Variants in DTWD2 observed in about 807,000 individuals in gnomAD.
DTWD2 encodes the protein tRNA-uridine aminocarboxypropyltransferase 2.
DTWD2 carries 39 observed loss-of-function variants against 31.8 expected under a neutral mutation model. The ratio of observed to expected loss-of-function variants is 1.22; its 90% CI spans 0.95 to 1.60. DTWD2 has a LOEUF of 1.60. DTWD2 is among the 40% of genes most tolerant of loss of function. The pLI is 0.00. For synonymous variants in DTWD2, 180 were observed against 142.8 expected (o/e 1.26, Z -1.86); for missense variants, 515 against 381.5 (o/e 1.35, Z -2.92).
chr5:118,838,444 A>T lies in DTWD2; in HGVS notation c.*2473T>A, dbSNP rs1751626096. The T allele has an allele frequency of 1.3e-5, 2 of 152,206 alleles. No homozygotes were observed. The highest frequency in any genetic ancestry group is 2.4e-5 in the African/African-American group (1 of 41,444). The allele number at this position is 152,206 out of a possible 1,614,324, so 9.4% of individuals were successfully genotyped here. ...GAATTTAAAAGCCAACTAATACAAT[A>T]AAAAAGTAATTTTTAAAAGCCTGAT... On this transcript the variant is annotated 3_prime_UTR_variant, in exon 6 of 6. Coordinates refer to ENST00000510708, the MANE Select transcript of DTWD2 (RefSeq NM_173666.4).
intron 3 of DTWD2, among the ~76,000 whole-genome samples, chr5:118,930,196 C>T (rs1170851808): frequency 6.6e-6 from 1 of 152,112 alleles, no homozygotes; most frequent in Non-Finnish European, 1.5e-5. Flanking sequence ...AGGAACGTTC[C>T]CCTTGGCCCC....
chr5:118,982,396 G>T (rs1021967248), intron 1 of DTWD2, among the ~76,000 whole-genome samples: 3 of 151,966 alleles, frequency 2.0e-5, no homozygotes, highest in Non-Finnish European at 4.4e-5. Flanking sequence ...CTTAATTAAG[G>T]TTATGAAAAA....
At chr5:118,849,436 AAC>A (rs1207442182) in intron 4 of DTWD2, among the ~76,000 whole-genome samples, 1 of 152,208 alleles carries the variant, frequency 6.6e-6, no homozygotes, top group Non-Finnish European at 1.5e-5. Flanking sequence ...TGGGACTGTA[AAC>A]TAGTTCAATC....
rs1440873415 is a variant in DTWD2 at position 118,839,413 on chromosome 5, G to A, written c.*1504C>T. ...TCTGTAGCCCAGGCTGGAGTGCAGT[G>A]GAATGAACATAGCTCCTTGCAACCT... On this transcript the variant is annotated 3_prime_UTR_variant, in exon 6 of 6. Transcript: ENST00000510708. The A allele has an allele frequency of 2.6e-5, 4 of 152,084 alleles. No individual in the cohort carries two copies. The highest frequency in any genetic ancestry group is 2.1e-4 in the South Asian group (1 of 4,820). 9.4% of individuals were successfully genotyped at this position (152,084 alleles called of 1,614,324 possible). A position where few individuals can be genotyped will look rare whatever the true frequency, so the allele number is the denominator to read the frequency against.
chr5:118,962,157 G>C (rs1327938085), intron 1 of DTWD2, among the ~76,000 whole-genome samples: 1 of 152,086 alleles, frequency 6.6e-6, no homozygotes, highest in Non-Finnish European at 1.5e-5. Context: ...AGAATTGCTT[G>C]AACCTGGGAG....
At chr5:118,863,377 C>T (rs901056143) in intron 4 of DTWD2, among the ~76,000 whole-genome samples, 3 of 152,136 alleles carry the variant, frequency 2.0e-5, no homozygotes, top group Non-Finnish European at 4.4e-5. Flanking sequence ...AATTACATGT[C>T]ATCATGCACC....
At chr5:118,897,508 G>C (rs181717221) in intron 4 of DTWD2, among the ~76,000 whole-genome samples, 1 of 152,184 alleles carries the variant, frequency 6.6e-6, no homozygotes, top group Non-Finnish European at 1.5e-5. Flanking sequence ...GAAAAGCTTT[G>C]TATCAGTGCA....
chr5:118,894,010 C>T (rs1250473919), intron 4 of DTWD2, among the ~76,000 whole-genome samples: 1 of 149,806 alleles, frequency 6.7e-6, no homozygotes, highest in Non-Finnish European at 1.5e-5. Context: ...ACCAGGCACC[C>T]AGCCTGGGTG....
At position 118,856,764 on chromosome 5, in the gene DTWD2, C is replaced by CTTTTTTTTT. The variant is rs68175368; in HGVS notation, c.598-8555_598-8547dup. ...TTTACCTTCACTCCATTGAGGCTTA[C>CTTTTTTTTT]TTTTTTTTTTTTTTTTTTTTTTTTG... On this transcript the variant is annotated intron_variant, in intron 4 of 5. Coordinates refer to ENST00000510708, the MANE Select transcript of DTWD2 (RefSeq NM_173666.4). Among the ~76,000 whole-genome samples, 141 of 44,336 alleles carry CTTTTTTTTT rather than the reference C, an allele frequency of 3.2e-3. 7 individuals are homozygous for CTTTTTTTTT. Among genetic ancestry groups the CTTTTTTTTT allele is most frequent in the Non-Finnish European group, 3.7e-3 (92 of 24,970 alleles). 29.1% of individuals were successfully genotyped at this position (44,336 alleles called of 152,430 possible).
intron 1 of DTWD2, among the ~76,000 whole-genome samples, chr5:118,954,020 C>T (rs975728718): frequency 6.6e-6 from 1 of 152,182 alleles, no homozygotes; most frequent in African/African-American, 2.4e-5. Flanking sequence ...CCTGTAATCT[C>T]AGAATTTTGG....
intron 5 of DTWD2, among the ~76,000 whole-genome samples, chr5:118,845,567 G>C (rs1474083400): frequency 6.6e-6 from 1 of 152,104 alleles, no homozygotes; most frequent in African/African-American, 2.4e-5. Flanking sequence ...CATGTTATCA[G>C]TACCTCCCAA....
At chr5:118,844,113 G>C (rs1286991568) in intron 5 of DTWD2, among the ~76,000 whole-genome samples, 1 of 152,196 alleles carries the variant, frequency 6.6e-6, no homozygotes, top group Non-Finnish European at 1.5e-5. Flanking sequence ...CAAACAGCAT[G>C]AGAGATGCAT....
intron 4 of DTWD2, among the ~76,000 whole-genome samples, chr5:118,900,866 A>G (rs1339173860): frequency 6.6e-6 from 1 of 151,722 alleles, no homozygotes; most frequent in Non-Finnish European, 1.5e-5. Context: ...CAGAGCTTGC[A>G]GTGACCCGAG....
chr5:118,892,507 T>C (rs914094997), intron 4 of DTWD2, among the ~76,000 whole-genome samples: 1 of 152,166 alleles, frequency 6.6e-6, no homozygotes, highest in Non-Finnish European at 1.5e-5. Context: ...TTTTAATTGT[T>C]GTGATGGTTA....
Position 118,944,574 on chromosome 5 carries a change from A to C in DTWD2, c.294T>G (p.Ile98Met), listed in dbSNP as rs1440460584. 6.2e-7 allele frequency: 1 copy of C among 1,613,320 alleles called. No individual in the cohort carries two copies. The highest frequency in any genetic ancestry group is 1.3e-5 in the African/African-American group (1 of 74,998). The change falls in exon 2 of 6, where the codon ATT becomes ATG. Residue 98 changes from isoleucine (I) to methionine (M), a missense_variant. By Grantham distance (10) the Ile-to-Met change is conservative (BLOSUM62 1). Transcript: ENST00000510708. The stretch of plus-strand genomic sequence containing the variant: ...AAAATCTTACCTCTGCTGGATGCTG[A>C]ATTATGTACAAGTGGGTAGAGATAT... ...PLHISTHLYI[I>M]QHPAEENKVL...
chr5:118,909,768 A>G (rs962471046), intron 4 of DTWD2, among the ~76,000 whole-genome samples: 89 of 152,230 alleles, frequency 5.8e-4, no homozygotes, highest in African/African-American at 2.0e-3. Context: ...GTAGCTAACA[A>G]TAACACAGAG....
chr5:118,938,370 T>G (rs943652213), intron 3 of DTWD2, among the ~76,000 whole-genome samples: 2 of 152,166 alleles, frequency 1.3e-5, no homozygotes, highest in Non-Finnish European at 2.9e-5. Flanking sequence ...GGTTAATATA[T>G]AAAAACCAAT....
At chr5:118,954,175 A>T (rs2149590127) in intron 1 of DTWD2, among the ~76,000 whole-genome samples, 1 of 152,270 alleles carries the variant, frequency 6.6e-6, no homozygotes, top group Middle Eastern at 3.4e-3. Flanking sequence ...GGAGGCTGAA[A>T]CAGGAAGACT....
At chr5:118,842,193 T>C (rs1287293657) in intron 5 of DTWD2, among the ~76,000 whole-genome samples, 1 of 152,194 alleles carries the variant, frequency 6.6e-6, no homozygotes, top group Admixed American at 6.5e-5. Context: ...TAGTCACTAG[T>C]AGTTGCTTCT....
Sources: gnomAD v4.1 joint callset for allele counts (sites outside exome capture counted in the v4.1 genomes callset) on GRCh38, gnomAD v4.1.1 for gene constraint, MANE v1.5 for transcripts, NCBI Gene and HGNC (gene_info 2026-07-23, HGNC 2026-07-21) for gene names.